Variants in KIAA2013 observed in about 807,000 individuals in gnomAD.
KIAA2013 encodes uncharacterized protein KIAA2013.
In KIAA2013, 20 loss-of-function variants were observed where a neutral mutation model predicts 39.9. The observed-to-expected ratio is 0.50, with a 90% CI of 0.35 to 0.73. The LOEUF (loss-of-function observed/expected upper bound fraction) is 0.73, where lower values mean the gene tolerates loss of function less well. KIAA2013 is among the 30% of genes least tolerant of loss of function. The pLI is 0.01. For missense variants in KIAA2013, 587 were observed against 856.1 expected (o/e 0.69, Z 3.92); for synonymous variants, 336 against 416.6 (o/e 0.81, Z 2.35).
At chr1:11,924,284 G>A (rs2100721124) in intron 1 of KIAA2013, among the ~76,000 whole-genome samples, 1 of 143,982 alleles carries the variant, frequency 6.9e-6, no homozygotes, top group East Asian at 2.3e-4. Context: ...TAGAGACAAG[G>A]TTTCGCCACG....
chr1:11,922,650 G>A lies in KIAA2013; in HGVS notation c.1873C>T (p.Leu625Phe), dbSNP rs769836901. The change falls in exon 2 of 3, where the codon CTC becomes TTC. Residue 625 changes from leucine to phenylalanine, a missense_variant. By Grantham distance (22) the Leu-to-Phe change is conservative. Coordinates refer to ENST00000376572, the MANE Select transcript of KIAA2013 (RefSeq NM_138346.3). ...NEYCGPGAKP[L>F]FRSKEDPSV is the part of the protein sequence containing the mutation. ...CGGCTTCCTACCTTACTCCTGAAGA[G>A]GGGCTTGGCTCCAGGCCCACAGTAC... is the stretch of plus-strand genomic sequence containing the variant. 1.9e-6 allele frequency: 3 copies of A among 1,613,518 alleles called. No individual in the cohort carries two copies. The highest frequency in any genetic ancestry group is 2.5e-6 in the Non-Finnish European group (3 of 1,179,796).
In KIAA2013 at chr1:11,925,921, C is replaced by A; in HGVS notation, c.317G>T (p.Arg106Leu). Reference protein sequence around the residue: ...GFLALDVAANRLWVTPGEREP... With the variant: ...GFLALDVAANLLWVTPGEREP... ...CCGCTCCCCGGGAGTCACCCACAGC[C>A]GATTGGCAGCCACGTCCAGGGCCAG... The change falls in exon 1 of 3, where the codon CGG becomes CTG. Residue 106 changes from arginine (R) to leucine (L), a missense_variant. By Grantham distance (102) the Arg-to-Leu change is moderately radical. Coordinates refer to ENST00000376572, the MANE Select transcript of KIAA2013 (RefSeq NM_138346.3). The surrounding 1 kb of genome is among the most constrained non-coding windows in gnomAD (Gnocchi z 5.2). The A allele has an allele frequency of 6.5e-7, 1 of 1,530,586 alleles. No homozygotes were observed. The highest frequency in any genetic ancestry group is 8.7e-7 in the Non-Finnish European group (1 of 1,145,974). The allele number at this position is 1,530,586 out of a possible 1,614,324, so 94.8% of individuals were successfully genotyped here. A position where few individuals can be genotyped will look rare whatever the true frequency, so the allele number is the denominator to read the frequency against.
In KIAA2013 at chr1:11,925,804, C is replaced by G; in HGVS notation, c.434G>C (p.Arg145Pro). The G allele has an allele frequency of 6.5e-7, 1 of 1,542,460 alleles. No homozygotes were observed. Among genetic ancestry groups the G allele is most frequent in the Non-Finnish European group, 8.7e-7 (1 of 1,151,620 alleles). ...ACGCACGCGGCGCAGAAGCCCCTCCCGCAGCAGCAGCACCGCCTCTCCAGC... is the reference window on the plus strand; with the variant it reads ...ACGCACGCGGCGCAGAAGCCCCTCCGGCAGCAGCAGCACCGCCTCTCCAGC... ...AEAGEAVLLLREGLLRRVRCL... is the reference protein window; with the variant it reads ...AEAGEAVLLLPEGLLRRVRCL... Residue 145 changes from arginine to proline, a missense_variant, in exon 1 of 3, where the codon CGG becomes CCG. Coordinates refer to ENST00000376572, the MANE Select transcript of KIAA2013 (RefSeq NM_138346.3). The surrounding 1 kb of genome is among the most constrained non-coding windows in gnomAD (Gnocchi z 5.2).
rs1355484095 is a variant in KIAA2013, at chr1:11,923,057, T to C, written c.1466A>G (p.Lys489Arg). The change falls in exon 2 of 3, where the codon AAG (lysine) becomes AGG (arginine). Residue 489 changes from lysine (K) to arginine (R), a missense_variant. By Grantham distance (26) the Lys-to-Arg change is conservative. Transcript: ENST00000376572. The surrounding 1 kb of genome is among the most constrained non-coding windows in gnomAD (Gnocchi z 4.6). ...CACGGCCAGGTTGATATGGTCGTTC[T>C]TGTAGCGGATGCCATGCAATGCATA... Reference protein sequence around the residue: ...NSYALHGIRYKNDHINLAVLA... With the variant: ...NSYALHGIRYRNDHINLAVLA... The C allele has an allele frequency of 1.9e-6, 3 of 1,611,088 alleles. No homozygotes were observed. The highest frequency in any genetic ancestry group is 1.7e-5 in the Admixed American group (1 of 59,944).
rs754288020 is a variant in KIAA2013 at position 11,925,185 on chromosome 1, A to C, written c.1033+20T>G. ...GGGAGGGACATATCTAGGGTGGACC[A>C]AGCGCTGGCCAGGACTCACCTGGGC... On this transcript the variant is annotated intron_variant, in intron 1 of 2. Coordinates refer to ENST00000376572, the MANE Select transcript of KIAA2013 (RefSeq NM_138346.3). This position sits in a 1 kb window ranked among gnomAD's most constrained non-coding sequence, Gnocchi z 5.2. 1.3e-6 allele frequency: 2 copies of C among 1,544,404 alleles called. No individual in the cohort carries two copies. Among genetic ancestry groups the C allele is most frequent in the Non-Finnish European group, 1.7e-6 (2 of 1,145,638 alleles).
Position 11,926,157 on chromosome 1 carries a change from G to A in KIAA2013, c.81C>T (p.Gly27=), listed in dbSNP as rs1472290627. The change falls in exon 1 of 3, where the codon GGC becomes GGT. Residue 27 remains glycine (G), a synonymous_variant. Transcript: ENST00000376572. ...CAAACCACAGAAGCAGCAGCAGGAG[G>A]CCAAGCAGGCAGAGGAGGCGGCGGG... ...SWARRLLCLL[G]LLLLLLWFGG... is the part of the protein sequence containing the mutation. The A allele has an allele frequency of 7.1e-7, 1 of 1,401,936 alleles. No homozygotes were observed. The highest frequency in any genetic ancestry group is 9.3e-7 in the Non-Finnish European group (1 of 1,071,552). The allele number at this position is 1,401,936 out of a possible 1,614,324, so 86.8% of individuals were successfully genotyped here.
intron 2 of KIAA2013, among the ~76,000 whole-genome samples, chr1:11,921,082 C>CG (rs34556195): frequency 2.0e-5 from 3 of 151,760 alleles, no homozygotes; most frequent in Admixed American, 6.6e-5. Flanking sequence ...GGGGAGGAGA[C>CG]GGGATACAGG....
In KIAA2013 at chr1:11,923,340, T is replaced by G; in HGVS notation, c.1183A>C (p.Asn395His). 1 of 1,613,800 alleles carries G rather than the reference T, an allele frequency of 6.2e-7. No individual in the cohort carries two copies. Among genetic ancestry groups the G allele is most frequent in the Non-Finnish European group, 8.5e-7 (1 of 1,180,024 alleles). The change falls in exon 2 of 3, where the codon AAC becomes CAC. Residue 395 changes from asparagine (N) to histidine (H), a missense_variant. By Grantham distance (68) the Asn-to-His change is moderately conservative (BLOSUM62 1). Transcript: ENST00000376572. The surrounding 1 kb of genome is among the most constrained non-coding windows in gnomAD (Gnocchi z 4.6). ...RERDQMESTL[N>H]YEDHCFSGHA... Reference sequence around the variant, plus strand: ...CCGCTGAAGCAGTGATCTTCATAGTTGAGCGTCGACTCCATCTGGTCTCGC... The same window carrying G: ...CCGCTGAAGCAGTGATCTTCATAGTGGAGCGTCGACTCCATCTGGTCTCGC...
chr1:11,923,548 C>T lies in KIAA2013; in HGVS notation c.1034-59G>A, dbSNP rs964653889. The T allele has an allele frequency of 1.4e-4, 222 of 1,560,320 alleles. No homozygotes were observed. The highest frequency in any genetic ancestry group is 1.7e-4 in the Non-Finnish European group (201 of 1,151,232). On this transcript the variant is annotated intron_variant, in intron 1 of 2. Transcript: ENST00000376572. The surrounding 1 kb of genome is among the most constrained non-coding windows in gnomAD (Gnocchi z 4.6). ...AAGGACAGCTGGGAGGCAGAGCATA[C>T]GAAATAAAGACCAAGGGCAGCAGAA...
Position 11,925,161 on chromosome 1 carries a change from G to A in KIAA2013, c.1033+44C>T. ...CTTCAGTGTCACCTCTGCAGACTTGGGAGGGACATATCTAGGGTGGACCAA... is the reference window on the plus strand; with the variant it reads ...CTTCAGTGTCACCTCTGCAGACTTGAGAGGGACATATCTAGGGTGGACCAA... On this transcript the variant is annotated intron_variant, in intron 1 of 2. Coordinates refer to ENST00000376572, the MANE Select transcript of KIAA2013 (RefSeq NM_138346.3). This position sits in a 1 kb window ranked among gnomAD's most constrained non-coding sequence, Gnocchi z 5.2. 1 of 1,505,622 alleles carries A rather than the reference G, an allele frequency of 6.6e-7. No homozygotes were observed. Among genetic ancestry groups the A allele is most frequent in the South Asian group, 1.3e-5 (1 of 75,126 alleles). The allele number at this position is 1,505,622 out of a possible 1,614,324, so 93.3% of individuals were successfully genotyped here.
chr1:11,919,648 A>G lies in KIAA2013; in HGVS notation c.*667T>C, dbSNP rs1162103595. On this transcript the variant is annotated 3_prime_UTR_variant, in exon 3 of 3. Transcript: ENST00000376572. ...AACAAAAAAGCTTTGGTATTTCAAA[A>G]CCTGACAATCATCAATCACTAGAAA... The G allele has an allele frequency of 2.0e-5, 3 of 152,296 alleles. No homozygotes were observed. Among genetic ancestry groups the G allele is most frequent in the Non-Finnish European group, 2.9e-5 (2 of 68,134 alleles). 9.4% of individuals were successfully genotyped at this position (152,296 alleles called of 1,614,324 possible).
At position 11,920,160 on chromosome 1, in the gene KIAA2013, C is replaced by T. The variant is rs576466284; in HGVS notation, c.*155G>A. ...TGACACTCATTCCTTCCAATGCAAA[C>T]TCTGGTGTATCCACACTCACTTCTG... On this transcript the variant is annotated 3_prime_UTR_variant, in exon 3 of 3. Transcript: ENST00000376572. 3 of 797,308 alleles carry T rather than the reference C, an allele frequency of 3.8e-6. No homozygotes were observed. Among genetic ancestry groups the T allele is most frequent in the Non-Finnish European group, 6.6e-6 (3 of 454,692 alleles). The allele number at this position is 797,308 out of a possible 1,614,324, so 49.4% of individuals were successfully genotyped here.
chr1:11,922,366 T>C (rs1645479510), intron 2 of KIAA2013: 2 of 1,428,260 alleles, frequency 1.4e-6, no homozygotes, highest in Admixed American at 2.9e-5. Context: ...GCAGTTATTT[T>C]TAAATGCTGA....
chr1:11,925,676 G>A lies in KIAA2013; in HGVS notation c.562C>T (p.Leu188=). ...AAGSGRDCVL[L]QEDFLAHRGR... ...CTGTGCGCCAGAAAGTCCTCTTGCA[G>A]CAGCACGCAGTCGCGGCCGGACCCC... The change falls in exon 1 of 3, where the codon CTG becomes TTG. Residue 188 remains leucine, a synonymous_variant. Coordinates refer to ENST00000376572, the MANE Select transcript of KIAA2013 (RefSeq NM_138346.3). This position sits in a 1 kb window ranked among gnomAD's most constrained non-coding sequence, Gnocchi z 5.2. The A allele has an allele frequency of 6.2e-7, 1 of 1,603,622 alleles. No individual in the cohort carries two copies. The highest frequency in any genetic ancestry group is 8.5e-7 in the Non-Finnish European group (1 of 1,177,590).
chr1:11,923,481 T>C lies in KIAA2013; in HGVS notation c.1042A>G (p.Met348Val). The C allele has an allele frequency of 6.2e-7, 1 of 1,604,738 alleles. No homozygotes were observed. Among genetic ancestry groups the C allele is most frequent in the Non-Finnish European group, 8.5e-7 (1 of 1,179,948 alleles). Residue 348 changes from methionine (M) to valine (V), a missense_variant, in exon 2 of 3, where the codon ATG (methionine) becomes GTG (valine). Transcript: ENST00000376572. This position sits in a 1 kb window ranked among gnomAD's most constrained non-coding sequence, Gnocchi z 4.6. ...WAQLFSPGVE[M>V]KKITDTHTPS... is the part of the protein sequence containing the mutation. ...GTGTGGGTGTCAGTGATCTTCTTCATTTCCACTCCTGCAACACCATGAAAG... is the reference window on the plus strand; with the variant it reads ...GTGTGGGTGTCAGTGATCTTCTTCACTTCCACTCCTGCAACACCATGAAAG...
Position 11,925,452 on chromosome 1 carries a change from C to A in KIAA2013, c.786G>T (p.Val262=), listed in dbSNP as rs772920571. 3.1e-6 allele frequency: 5 copies of A among 1,611,248 alleles called. No homozygotes were observed. Among genetic ancestry groups the A allele is most frequent in the South Asian group, 1.1e-5 (1 of 90,992 alleles). Residue 262 remains valine (V), a synonymous_variant, in exon 1 of 3, where the codon GTG becomes GTT. Coordinates refer to ENST00000376572, the MANE Select transcript of KIAA2013 (RefSeq NM_138346.3). The surrounding 1 kb of genome is among the most constrained non-coding windows in gnomAD (Gnocchi z 5.2). ...PPTPTGLVHL[V]VVAAKKLVNR... Reference sequence around the variant, plus strand: ...TCACCAGCTTCTTGGCGGCCACCACCACCAGGTGCACCAACCCAGTGGGCG... The same window carrying A: ...TCACCAGCTTCTTGGCGGCCACCACAACCAGGTGCACCAACCCAGTGGGCG...
Position 11,925,108 on chromosome 1 carries a change from G to A in KIAA2013, c.1033+97C>T. 1 of 1,189,382 alleles carries A rather than the reference G, an allele frequency of 8.4e-7. No homozygotes were observed. The highest frequency in any genetic ancestry group is 1.2e-6 in the Non-Finnish European group (1 of 857,512). The allele number at this position is 1,189,382 out of a possible 1,614,324, so 73.7% of individuals were successfully genotyped here. ...GATTCAACCACTGGTGAAACGCCAA[G>A]CCCAAGTTTCAACCACCCCACCATC... On this transcript the variant is annotated intron_variant, in intron 1 of 2. Coordinates refer to ENST00000376572, the MANE Select transcript of KIAA2013 (RefSeq NM_138346.3). This position sits in a 1 kb window ranked among gnomAD's most constrained non-coding sequence, Gnocchi z 5.2.
chr1:11,919,985 A>G lies in KIAA2013; in HGVS notation c.*330T>C. On this transcript the variant is annotated 3_prime_UTR_variant, in exon 3 of 3. Transcript: ENST00000376572. ...GAAAAGGACACAACTTTTCCTAGAC[A>G]AGAGTCTTTTCAAAAGATGATCTAT... 2 of 412,262 alleles carry G rather than the reference A, an allele frequency of 4.9e-6. 1 individual carries two copies. 25.5% of individuals were successfully genotyped at this position (412,262 alleles called of 1,614,324 possible). A position where few individuals can be genotyped will look rare whatever the true frequency, so the allele number is the denominator to read the frequency against.
At chr1:11,921,837 A>C (rs796589890) in intron 2 of KIAA2013, among the ~76,000 whole-genome samples, 60 of 152,220 alleles carry the variant, frequency 3.9e-4, no homozygotes, top group African/African-American at 1.3e-3. Flanking sequence ...GGCATGAGCC[A>C]CTGCACCCAG....
Sources: gnomAD v4.1 joint callset for allele counts (sites outside exome capture counted in the v4.1 genomes callset) on GRCh38, gnomAD v4.1.1 for gene constraint, Gnocchi (gnomAD v3.1) non-coding constraint, MANE v1.5 for transcripts, NCBI Gene and HGNC (gene_info 2026-07-23, HGNC 2026-07-21) for gene names.